Variants in PTPRQ observed in about 807,000 individuals in gnomAD.
PTPRQ encodes phosphatidylinositol phosphatase PTPRQ.
A neutral mutation model predicts 246.0 loss-of-function variants in PTPRQ; 199 were observed. That is an observed-to-expected ratio of 0.81 (90% CI 0.72 to 0.91). The LOEUF is 0.91. Ranked by LOEUF, PTPRQ falls within the 40% of genes least tolerant of loss-of-function variation. The probability of loss-of-function intolerance (pLI) is 0.00; values close to 1 mark genes in which losing one functional copy is unlikely to be tolerated. For missense variants in PTPRQ, 2,624 were observed against 2,528.4 expected (o/e 1.04, Z -0.81); for synonymous variants, 869 against 853.2 (o/e 1.02, Z -0.32).
At chr12:80,554,651 G>A (rs1405127169) in intron 25 of PTPRQ, among the ~76,000 whole-genome samples, 1 of 152,180 alleles carries the variant, frequency 6.6e-6, no homozygotes, top group East Asian at 1.9e-4. Context: ...TCAGGCATAT[G>A]CAGTGATCCA....
At position 80,657,975 on chromosome 12, in the gene PTPRQ, T is replaced by C; in HGVS notation, c.6116-10T>C. On this transcript the variant is annotated splice_polypyrimidine_tract_variant and intron_variant, in intron 38 of 44. Coordinates refer to ENST00000644991, the MANE Select transcript of PTPRQ (RefSeq NM_001145026.2). ...GCCAATTAACATTGATTCCTTATAT[T>C]TTCTTCTAGATAATAATAACAGAGT... The C allele has an allele frequency of 7.1e-7, 1 of 1,401,954 alleles. No homozygotes were observed. The highest frequency in any genetic ancestry group is 2.9e-5 in the East Asian group (1 of 34,614). 86.8% of individuals were successfully genotyped at this position (1,401,954 alleles called of 1,614,324 possible).
intron 35 of PTPRQ, among the ~76,000 whole-genome samples, chr12:80,635,617 CAT>C (rs1899617687): frequency 1.3e-5 from 2 of 151,718 alleles, no homozygotes; most frequent in Admixed American, 6.6e-5. Context: ...AAAGTAAAAA[CAT>C]GTGTACTAAA....
intron 6 of PTPRQ, chr12:80,465,685 G>T (rs1893374367): frequency 6.6e-6 from 1 of 152,174 alleles, no homozygotes; most frequent in African/African-American, 2.4e-5. Context: ...TCCCTGGGAT[G>T]CAAGGCTGGT....
Position 80,541,545 on chromosome 12 carries a change from C to A in PTPRQ, c.3155-10C>A. ...GATGATTTTTGTATTTTGCCCATTA[C>A]CTATCATAGTACCTGAAGGGTTTGT... On this transcript the variant is annotated splice_polypyrimidine_tract_variant and intron_variant, in intron 20 of 44. Coordinates refer to ENST00000644991, the MANE Select transcript of PTPRQ (RefSeq NM_001145026.2). 1 of 1,468,306 alleles carries A rather than the reference C, an allele frequency of 6.8e-7. No homozygotes were observed. The highest frequency in any genetic ancestry group is 9.0e-7 in the Non-Finnish European group (1 of 1,107,354). The allele number at this position is 1,468,306 out of a possible 1,614,324, so 91.0% of individuals were successfully genotyped here.
chr12:80,670,002 G>T (rs1900916757), intron 41 of PTPRQ, among the ~76,000 whole-genome samples: 1 of 151,926 alleles, frequency 6.6e-6, no homozygotes, highest in Non-Finnish European at 1.5e-5. Context: ...CTCAATACCT[G>T]TGTATGGAAT....
intron 8 of PTPRQ, among the ~76,000 whole-genome samples, chr12:80,477,420 TTTTA>T (rs1158972291): frequency 6.6e-6 from 1 of 152,178 alleles, no homozygotes; most frequent in African/African-American, 2.4e-5. Flanking sequence ...AGAAAATTAT[TTTTA>T]TTAATTAATT....
chr12:80,620,891 C>A (rs948094344), intron 32 of PTPRQ, among the ~76,000 whole-genome samples: 12 of 151,690 alleles, frequency 7.9e-5, no homozygotes, highest in Non-Finnish European at 2.9e-5. Flanking sequence ...TTTGTAGCCC[C>A]TAAAAACCCA....
chr12:80,652,848 T>C lies in PTPRQ; in HGVS notation c.6115+14T>C, dbSNP rs558313957. The C allele has an allele frequency of 1.7e-5, 25 of 1,467,406 alleles. No individual in the cohort carries two copies. In the Admixed American group the frequency reaches 5.9e-4, roughly 35 times the overall value. 90.9% of individuals were successfully genotyped at this position (1,467,406 alleles called of 1,614,324 possible). ...ACATAAAACCATGTATGTGCATTTG[T>C]TGGTTTTGGTTTAGCTAGGAAATAT... On this transcript the variant is annotated intron_variant, in intron 38 of 44. Transcript: ENST00000644991.
At chr12:80,545,493 A>G (rs1469823168) in intron 23 of PTPRQ, among the ~76,000 whole-genome samples, 3 of 152,030 alleles carry the variant, frequency 2.0e-5, no homozygotes, top group Non-Finnish European at 2.9e-5. Flanking sequence ...ATAGGAGATT[A>G]TCTTCTCTTT....
chr12:80,500,622 C>G (rs7973132), intron 14 of PTPRQ, among the ~76,000 whole-genome samples: 45,560 of 151,820 alleles, frequency 0.3, 8,183 homozygotes, highest in African/African-American at 0.5. Context: ...TTTTTAAACC[C>G]AATCTTTTAT....
chr12:80,466,093 G>A (rs945258276), intron 6 of PTPRQ, among the ~76,000 whole-genome samples: 12 of 152,060 alleles, frequency 7.9e-5, no homozygotes, highest in Non-Finnish European at 1.3e-4. Context: ...ACATGATTGT[G>A]TATCTAGAAA....
Position 80,635,030 on chromosome 12 carries a change from A to G in PTPRQ, c.5872A>G (p.Ile1958Val). The change falls in exon 35 of 45, where the codon ATC becomes GTC. Residue 1958 changes from isoleucine (I) to valine (V), a missense_variant. By Grantham distance (29) the Ile-to-Val change is conservative. Coordinates refer to ENST00000644991, the MANE Select transcript of PTPRQ (RefSeq NM_001145026.2). The part of the protein sequence containing the change: ...IDTKLKLDQL[I>V]TVADLELKDE... ...CACTAAATTGAAGCTGGATCAGCTC[A>G]TCACAGTGGCAGACCTGGAACTGAA... The G allele has an allele frequency of 6.4e-7, 1 of 1,551,424 alleles. No homozygotes were observed.
intron 25 of PTPRQ, among the ~76,000 whole-genome samples, chr12:80,580,139 A>G (rs1484754887): frequency 1.3e-5 from 2 of 152,204 alleles, no homozygotes; most frequent in Admixed American, 6.5e-5. Context: ...ACATGTATTC[A>G]TCTTCTAAGT....
rs948280865 is a variant in PTPRQ, at chr12:80,679,654, T to C, written c.*631T>C. The C allele has an allele frequency of 6.6e-6, 1 of 152,000 alleles. No homozygotes were observed. Among genetic ancestry groups the C allele is most frequent in the Admixed American group, 6.6e-5 (1 of 15,222 alleles). 9.4% of individuals were successfully genotyped at this position (152,000 alleles called of 1,614,324 possible). On this transcript the variant is annotated 3_prime_UTR_variant, in exon 45 of 45. Coordinates refer to ENST00000644991, the MANE Select transcript of PTPRQ (RefSeq NM_001145026.2). ...TTTAATTTGCATTGTGATCTTCAGT[T>C]TGAGAACCTTAAAAGAAAAATTAAA...
chr12:80,461,185 G>A (rs1893154223), intron 6 of PTPRQ, among the ~76,000 whole-genome samples: 1 of 152,090 alleles, frequency 6.6e-6, no homozygotes, highest in Non-Finnish European at 1.5e-5. Flanking sequence ...GCAATTTTTA[G>A]TAATCATCTT....
rs896792613 is a variant in PTPRQ at position 80,679,738 on chromosome 12, C to CTT, written c.*717_*718dup. The CTT allele has an allele frequency of 3.3e-5, 5 of 151,924 alleles. No homozygotes were observed. Among genetic ancestry groups the CTT allele is most frequent in the African/African-American group, 1.2e-4 (5 of 41,390 alleles). 9.4% of individuals were successfully genotyped at this position (151,924 alleles called of 1,614,324 possible). On this transcript the variant is annotated 3_prime_UTR_variant, in exon 45 of 45. Transcript: ENST00000644991. Reference sequence around the variant, plus strand: ...ATTCTAGCAAACCTACATTTGTAAACTTTAAAACACAAGTTTTACCCCCTG... The same window carrying CTT: ...ATTCTAGCAAACCTACATTTGTAAACTTTTTAAAACACAAGTTTTACCCCCTG...
intron 15 of PTPRQ, 99 bp downstream of exon 15, chr12:80,506,305 G>T: frequency 7.8e-7 from 1 of 1,282,646 alleles, no homozygotes; most frequent in South Asian, 1.8e-5. Context: ...TTTTCATGCA[G>T]GGTATTACAA....
At chr12:80,540,993 T>C (rs907272908) in intron 20 of PTPRQ, among the ~76,000 whole-genome samples, 4 of 152,046 alleles carry the variant, frequency 2.6e-5, no homozygotes, top group African/African-American at 9.7e-5. Flanking sequence ...AATTGGAACT[T>C]GTGTGTAAGT....
chr12:80,571,328 CAGGG>C (rs1897140911), intron 25 of PTPRQ, among the ~76,000 whole-genome samples: 1 of 152,186 alleles, frequency 6.6e-6, no homozygotes, highest in East Asian at 1.9e-4. Flanking sequence ...TTAGTAGAGA[CAGGG>C]TTTCACCCTG....
Sources: allele counts gnomAD v4.1 joint callset (sites outside exome capture counted in the v4.1 genomes callset), GRCh38; gene constraint gnomAD v4.1.1; transcripts MANE v1.5; gene names NCBI Gene and HGNC (gene_info 2026-07-23, HGNC 2026-07-21).